Variants in PKNOX2 observed in about 807,000 individuals in gnomAD.
The protein encoded by PKNOX2 is homeobox protein PKNOX2.
In PKNOX2, 14 loss-of-function variants were observed where a neutral mutation model predicts 53.1. That is an observed-to-expected ratio of 0.26 (90% CI 0.17 to 0.41). The LOEUF is 0.41. PKNOX2 is among the 10% of genes least tolerant of loss of function. The pLI is 1.00. For synonymous variants in PKNOX2, 257 were observed against 242.8 expected, an observed-to-expected ratio of 1.06 and a Z score of -0.54; for missense variants, 496 against 602.8, an observed-to-expected ratio of 0.82 and a Z score of 1.85.
At position 125,165,722 on chromosome 11, in the gene PKNOX2, C is replaced by T. The variant is rs944213601; in HGVS notation, c.-201+946C>T. 2.0e-5 allele frequency among the ~76,000 whole-genome samples: 3 copies of T among 152,090 alleles called. No individual in the cohort carries two copies. Among genetic ancestry groups the T allele is most frequent in the African/African-American group, 4.8e-5 (2 of 41,446 alleles). On this transcript the variant is annotated intron_variant, in intron 1 of 12. Transcript: ENST00000298282. The surrounding 1 kb of genome is among the most constrained non-coding windows in gnomAD (Gnocchi z 4.5). The stretch of plus-strand genomic sequence containing the variant: ...TGATTGCTGGGGATCTTTGGTGAGG[C>T]GGGCGTAGGGGCCCGCGCGAGGCTT...
At chr11:125,180,156 T>G (rs1956072973) in intron 1 of PKNOX2, among the ~76,000 whole-genome samples, 1 of 152,226 alleles carries the variant, frequency 6.6e-6, no homozygotes, top group Admixed American at 6.5e-5. Flanking sequence ...CTTGCTAGCT[T>G]GCTTGCTTTT....
At chr11:125,411,516 C>CCT in intron 9 of PKNOX2, 1 of 478,074 alleles carries the variant, frequency 2.1e-6, no homozygotes, top group South Asian at 2.0e-5. Flanking sequence ...CTCTCCCCCC[C>CCT]TTCCCCATCT....
intron 6 of PKNOX2, among the ~76,000 whole-genome samples, chr11:125,389,548 A>C (rs758970298): frequency 6.6e-6 from 1 of 152,140 alleles, no homozygotes; most frequent in Non-Finnish European, 1.5e-5. Context: ...CCATAGCCGC[A>C]GGGGCTCACC....
At chr11:125,178,346 TA>T (rs1955844744) in intron 1 of PKNOX2, among the ~76,000 whole-genome samples, 1 of 151,720 alleles carries the variant, frequency 6.6e-6, no homozygotes, top group South Asian at 2.1e-4. Flanking sequence ...ATCCCGTCTC[TA>T]CTAAAAATAC....
chr11:125,362,068 G>A (rs1294087457), intron 4 of PKNOX2, among the ~76,000 whole-genome samples: 1 of 152,112 alleles, frequency 6.6e-6, no homozygotes, highest in Non-Finnish European at 1.5e-5. Context: ...TGAGGGAGAG[G>A]GACAAACTGG....
intron 4 of PKNOX2, among the ~76,000 whole-genome samples, chr11:125,361,911 T>G (rs1236789147): frequency 6.6e-6 from 1 of 152,202 alleles, no homozygotes; most frequent in Non-Finnish European, 1.5e-5. Context: ...AGGCTCCTCA[T>G]AGCCTGGGAG....
intron 1 of PKNOX2, among the ~76,000 whole-genome samples, chr11:125,170,209 C>G (rs1293258359): frequency 6.6e-6 from 1 of 152,186 alleles, no homozygotes; most frequent in Non-Finnish European, 1.5e-5. Flanking sequence ...TTACACAAAA[C>G]TGTGTGTGCG....
In PKNOX2 at chr11:125,410,839, C is replaced by T; in HGVS notation, c.779C>T (p.Ala260Val). 1 of 1,614,098 alleles carries T rather than the reference C, an allele frequency of 6.2e-7. No homozygotes were observed. The highest frequency in any genetic ancestry group is 8.5e-7 in the Non-Finnish European group (1 of 1,179,992). ...TCCCAGGGTCAGGTGGTCACCCAAG[C>T]AATCCCCCAGGGAGCCATCCAGATC... is the stretch of plus-strand genomic sequence containing the variant. ...VTSQGQVVTQ[A>V]IPQGAIQIQN... The change falls in exon 9 of 13, where the codon GCA (alanine) becomes GTA (valine). Residue 260 changes from alanine (A) to valine (V), a missense_variant. This residue lies in a region of PKNOX2 where 141 missense variants were observed against 143.9 expected (regional missense o/e 0.98). Coordinates refer to ENST00000298282, the MANE Select transcript of PKNOX2 (RefSeq NM_001382323.2).
At chr11:125,200,954 G>A (rs569510459) in intron 1 of PKNOX2, among the ~76,000 whole-genome samples, 2 of 152,282 alleles carry the variant, frequency 1.3e-5, no homozygotes, top group South Asian at 2.1e-4. Context: ...ACTGCACATC[G>A]AGGGACTTGG....
intron 4 of PKNOX2, among the ~76,000 whole-genome samples, chr11:125,357,359 G>A (rs546590551): frequency 7.2e-5 from 11 of 152,264 alleles, no homozygotes; most frequent in African/African-American, 2.6e-4. Context: ...GTAGGAGATG[G>A]TGGGCTGTCA....
In PKNOX2 at chr11:125,197,167, G is replaced by T. The variant is rs1444817907; in HGVS notation, c.-201+32391G>T. Among the ~76,000 whole-genome samples the T allele has an allele frequency of 2.6e-5, 4 of 152,252 alleles. No homozygotes were observed. The South Asian group carries it at 8.3e-4, about 31-fold the overall frequency. ...CAGAGATCTTGCTTAGTTGAGGCAG[G>T]TTGGTGTTTGGAGTAGTTGAGTGAT... is the stretch of plus-strand genomic sequence containing the variant. On this transcript the variant is annotated intron_variant, in intron 1 of 12. Transcript: ENST00000298282.
chr11:125,339,001 A>T (rs1950552122), intron 3 of PKNOX2, among the ~76,000 whole-genome samples: 1 of 152,204 alleles, frequency 6.6e-6, no homozygotes, highest in Non-Finnish European at 1.5e-5. Context: ...TAGTATTCAA[A>T]GACTCTGCTG....
At chr11:125,286,967 C>T (rs192060614) in intron 2 of PKNOX2, among the ~76,000 whole-genome samples, 29 of 152,336 alleles carry the variant, frequency 1.9e-4, no homozygotes, top group African/African-American at 5.8e-4. Context: ...CCCAGGAAAA[C>T]ATGTGCTGCA....
intron 2 of PKNOX2, among the ~76,000 whole-genome samples, chr11:125,271,003 G>T (rs1012303038): frequency 1.3e-5 from 2 of 152,236 alleles, no homozygotes; most frequent in East Asian, 1.9e-4. Context: ...TAGCTGCCTT[G>T]GGGGGTGACA....
At chr11:125,340,789 C>T (rs1029579840) in intron 3 of PKNOX2, among the ~76,000 whole-genome samples, 7 of 151,982 alleles carry the variant, frequency 4.6e-5, no homozygotes, top group Non-Finnish European at 7.4e-5. Context: ...CGGTGGCTCA[C>T]GCCCGTAATC....
chr11:125,307,067 T>C (rs186957661), intron 2 of PKNOX2, among the ~76,000 whole-genome samples: 29 of 152,318 alleles, frequency 1.9e-4, no homozygotes, highest in Non-Finnish European at 3.8e-4. Flanking sequence ...TTGCTATTTG[T>C]TTTTCGTTTC....
intron 3 of PKNOX2, among the ~76,000 whole-genome samples, chr11:125,337,168 G>A (rs1369557220): frequency 6.6e-6 from 1 of 152,086 alleles, no homozygotes; most frequent in African/African-American, 2.4e-5. Flanking sequence ...AAACCACTGT[G>A]GGCATGGCAA....
chr11:125,219,034 A>G (rs184227469), intron 1 of PKNOX2, among the ~76,000 whole-genome samples: 10 of 152,282 alleles, frequency 6.6e-5, no homozygotes, highest in Non-Finnish European at 1.3e-4. Context: ...AGGGTAAATC[A>G]TGTCAACTGC....
Position 125,237,785 on chromosome 11 carries a change from C to A in PKNOX2, c.-130+2670C>A, listed in dbSNP as rs183441328. Among the ~76,000 whole-genome samples, 6 of 152,292 alleles carry A rather than the reference C, an allele frequency of 3.9e-5. No individual in the cohort carries two copies. In the East Asian group the frequency reaches 9.6e-4, roughly 24 times the overall value. On this transcript the variant is annotated intron_variant, in intron 2 of 12. Coordinates refer to ENST00000298282, the MANE Select transcript of PKNOX2 (RefSeq NM_001382323.2). ...CAACAAGAGTGAGTTGAGTCTGTAACCCACAGCTTCAAGTGTCAGGTCTGG... is the reference window on the plus strand; with the variant it reads ...CAACAAGAGTGAGTTGAGTCTGTAAACCACAGCTTCAAGTGTCAGGTCTGG...
Sources: gnomAD v4.1 joint callset for allele counts (sites outside exome capture counted in the v4.1 genomes callset) on GRCh38, gnomAD v4.1.1 for gene constraint, gnomAD v4.1.1 regional missense constraint, Gnocchi (gnomAD v3.1) non-coding constraint, MANE v1.5 for transcripts, NCBI Gene and HGNC (gene_info 2026-07-23, HGNC 2026-07-21) for gene names.